The following CTNNA2 variants were observed in gnomAD, a reference collection of about 807,000 sequenced individuals.
The protein encoded by CTNNA2 is catenin alpha 2, also known as catenin alpha-2.
A neutral mutation model predicts 101.0 loss-of-function variants in CTNNA2; 42 were observed. The observed-to-expected ratio is 0.42, with a 90% CI of 0.32 to 0.54. CTNNA2 has a LOEUF of 0.54. CTNNA2 is among the 20% of genes least tolerant of loss of function. The probability of loss-of-function intolerance (pLI) is 0.14; values close to 1 mark genes in which losing one functional copy is unlikely to be tolerated. For synonymous variants in CTNNA2, 450 were observed against 456.4 expected, an observed-to-expected ratio of 0.99 and a Z score of 0.18; for missense variants, 871 against 1,223.1, an observed-to-expected ratio of 0.71 and a Z score of 4.29.
chr2:79,505,998 GT>G (rs978791205), intron 5 of CTNNA2, among the ~76,000 whole-genome samples: 1 of 152,174 alleles, frequency 6.6e-6, no homozygotes, highest in African/African-American at 2.4e-5. Flanking sequence ...ACAAGATTGG[GT>G]TTGAGCCTTT....
At chr2:80,056,902 A>G (rs1697248754) in intron 7 of CTNNA2, among the ~76,000 whole-genome samples, 1 of 152,166 alleles carries the variant, frequency 6.6e-6, no homozygotes, top group African/African-American at 2.4e-5. Context: ...TCTCCACAGT[A>G]TATTAGGAAT....
chr2:80,010,089 C>G (rs1479208660), intron 7 of CTNNA2, among the ~76,000 whole-genome samples: 1 of 152,124 alleles, frequency 6.6e-6, no homozygotes, highest in Non-Finnish European at 1.5e-5. Context: ...CAATGTTTGA[C>G]AAACATTGAG....
chr2:80,499,428 A>G (rs1687708180), intron 9 of CTNNA2, among the ~76,000 whole-genome samples: 1 of 152,110 alleles, frequency 6.6e-6, no homozygotes, highest in Admixed American at 6.6e-5. Flanking sequence ...CTCTCTTGAA[A>G]GCATGTTTGA....
chr2:79,513,285 C>G (rs925158390), intron 1 of CTNNA2, 78 bp downstream of exon 1: 2 of 148,162 alleles, frequency 1.3e-5, no homozygotes, highest in Non-Finnish European at 3.0e-5. Context: ...CTCCATCCTC[C>G]CCCCTCCCCG....
intron 7 of CTNNA2, among the ~76,000 whole-genome samples, chr2:80,002,240 A>G (rs1693000647): frequency 1.3e-5 from 2 of 152,214 alleles, no homozygotes; most frequent in Admixed American, 6.5e-5. Context: ...GCAACTTTTT[A>G]ATGCCTAAGC....
intron 7 of CTNNA2, among the ~76,000 whole-genome samples, chr2:79,935,097 A>G (rs1168406634): frequency 6.6e-6 from 1 of 152,160 alleles, no homozygotes; most frequent in East Asian, 1.9e-4. Flanking sequence ...CCTAATGAAT[A>G]ATAACAACAA....
chr2:80,589,961 ATTAAT>A (rs1370672393), intron 15 of CTNNA2, among the ~76,000 whole-genome samples: 4 of 151,736 alleles, frequency 2.6e-5, no homozygotes, highest in Admixed American at 6.6e-5. Context: ...GTGATCTAGC[ATTAAT>A]TTAAGCTCAC....
intron 3 of CTNNA2, among the ~76,000 whole-genome samples, chr2:79,321,903 C>T (rs1028750282): frequency 4.6e-5 from 7 of 152,216 alleles, no homozygotes; most frequent in Non-Finnish European, 7.4e-5. Context: ...GTCCTAGAGT[C>T]CCACAAACCA....
intron 17 of CTNNA2, chr2:80,616,331 G>A (rs958953969): frequency 3.3e-5 from 5 of 151,718 alleles, no homozygotes; most frequent in Admixed American, 3.3e-4. Flanking sequence ...TGAATCTGCT[G>A]CTATCCACAT....
intron 7 of CTNNA2, among the ~76,000 whole-genome samples, chr2:79,914,054 C>G (rs1574297792): frequency 6.7e-6 from 1 of 149,642 alleles, no homozygotes. Context: ...GTGGTCCCAG[C>G]TACTCGGGAG....
At chr2:79,678,775 G>A (rs765839605) in intron 2 of CTNNA2, among the ~76,000 whole-genome samples, 14 of 152,040 alleles carry the variant, frequency 9.2e-5, no homozygotes, top group African/African-American at 2.4e-4. Flanking sequence ...TTGGAGTCTC[G>A]TTGAATAGCA....
chr2:79,361,664 T>C (rs1255141369), intron 3 of CTNNA2, among the ~76,000 whole-genome samples: 1 of 152,136 alleles, frequency 6.6e-6, no homozygotes, highest in Non-Finnish European at 1.5e-5. Flanking sequence ...TTATTAAGCA[T>C]TAACTCACAC....
At chr2:79,325,704 G>A (rs1188154602) in intron 3 of CTNNA2, among the ~76,000 whole-genome samples, 1 of 152,206 alleles carries the variant, frequency 6.6e-6, no homozygotes, top group African/African-American at 2.4e-5. Flanking sequence ...CATCCAGGCA[G>A]CCTCCCCAGA....
In CTNNA2 at chr2:79,218,299, T is replaced by G. The variant is rs973315592; in HGVS notation, c.-406+20223T>G. Among the ~76,000 whole-genome samples the G allele has an allele frequency of 4.2e-5, 6 of 144,280 alleles. 1 individual carries two copies. In the East Asian group the frequency reaches 1.3e-3, roughly 31 times the overall value. The allele number at this position is 144,280 out of a possible 152,430, so 94.7% of individuals were successfully genotyped here. On this transcript the variant is annotated intron_variant, in intron 2 of 21. Coordinates refer to the CTNNA2 transcript ENST00000466387. ...TCCTTTCCTAAGCCAGGCACCAGAA[T>G]CTTCATGAACTTTGTGTGTGTGTGT...
chr2:79,516,185 T>C (rs991071053), intron 1 of CTNNA2, among the ~76,000 whole-genome samples: 2 of 152,236 alleles, frequency 1.3e-5, no homozygotes, highest in African/African-American at 4.8e-5. Flanking sequence ...GGGACTCTGA[T>C]TCATGGGCTT....
At chr2:80,301,185 T>G (rs1188314014) in intron 7 of CTNNA2, among the ~76,000 whole-genome samples, 2 of 152,182 alleles carry the variant, frequency 1.3e-5, no homozygotes, top group African/African-American at 4.8e-5. Context: ...TTTCTCCTCA[T>G]TCCCCATAGA....
At chr2:80,093,078 A>G (rs1345195541) in intron 7 of CTNNA2, among the ~76,000 whole-genome samples, 1 of 151,986 alleles carries the variant, frequency 6.6e-6, no homozygotes, top group African/African-American at 2.4e-5. Context: ...ATATGAATAC[A>G]TGTGCCATGT....
At chr2:79,314,502 G>T (rs1676452555) in intron 3 of CTNNA2, among the ~76,000 whole-genome samples, 1 of 152,206 alleles carries the variant, frequency 6.6e-6, no homozygotes, top group East Asian at 1.9e-4. Flanking sequence ...GTGGGGTGCA[G>T]TGCACCGTTA....
At chr2:79,898,827 GA>G (rs1013254088) in intron 6 of CTNNA2, among the ~76,000 whole-genome samples, 1 of 152,096 alleles carries the variant, frequency 6.6e-6, no homozygotes, top group Non-Finnish European at 1.5e-5. Flanking sequence ...AGAGGGTCGG[GA>G]TTGGACATGG....
Sources: allele counts gnomAD v4.1 joint callset (sites outside exome capture counted in the v4.1 genomes callset), GRCh38; gene constraint gnomAD v4.1.1; transcripts MANE v1.5; gene names NCBI Gene and HGNC (gene_info 2026-07-23, HGNC 2026-07-21).